NDUFA11: variants seen among roughly 807,000 people sequenced by gnomAD.
The protein encoded by NDUFA11 is NADH dehydrogenase [ubiquinone] 1 alpha subcomplex subunit 11.
In NDUFA11, 14 loss-of-function variants were observed where a neutral mutation model predicts 11.3. That is an observed-to-expected ratio of 1.24 (90% CI 0.82 to 1.94). The LOEUF is 1.94. Among genes scored for constraint, NDUFA11 ranks in the 30% most tolerant of loss-of-function variants. NDUFA11 has a pLI of 0.00. For missense variants in NDUFA11, 204 were observed against 200.3 expected, an observed-to-expected ratio of 1.02 and a Z score of -0.11; for synonymous variants, 87 against 85.6, an observed-to-expected ratio of 1.02 and a Z score of -0.09.
chr19:5,900,481 G>A (rs751358011), intron 1 of NDUFA11, among the ~76,000 whole-genome samples: 48 of 152,178 alleles, frequency 3.2e-4, no homozygotes, highest in Admixed American at 1.4e-3. Flanking sequence ...CCCCAACTCA[G>A]GGAAGCCAGC....
At chr19:5,892,635 C>T (rs748623918), downstream of NDUFA11, 1 of 329,444 alleles carries the variant, frequency 3.0e-6, no homozygotes, top group Non-Finnish European at 5.6e-6. Flanking sequence ...TGGAATCTGA[C>T]GCCTGTGGTC....
chr19:5,900,570 C>T (rs985831610), intron 1 of NDUFA11, among the ~76,000 whole-genome samples: 4 of 152,134 alleles, frequency 2.6e-5, no homozygotes, highest in Non-Finnish European at 5.9e-5. Context: ...AGGGGAGGAC[C>T]CAGAAACACG....
Position 5,903,780 on chromosome 19 carries a change from T to G in NDUFA11, c.-72A>C. The G allele has an allele frequency of 6.8e-7, 1 of 1,469,886 alleles. No individual in the cohort carries two copies. The highest frequency in any genetic ancestry group is 9.3e-7 in the Non-Finnish European group (1 of 1,073,704). The allele number at this position is 1,469,886 out of a possible 1,614,324, so 91.1% of individuals were successfully genotyped here. A position where few individuals can be genotyped will look rare whatever the true frequency, so the allele number is the denominator to read the frequency against. On this transcript the variant is annotated 5_prime_UTR_variant, in exon 1 of 4. Transcript: ENST00000308961. ...GCGCAAGGGCAGCCGCGGCTGGCTATCGCGAGACTTCTCGGGCTGCGCGCG... is the reference window on the plus strand; with the variant it reads ...GCGCAAGGGCAGCCGCGGCTGGCTAGCGCGAGACTTCTCGGGCTGCGCGCG...
intron 1 of NDUFA11, among the ~76,000 whole-genome samples, chr19:5,901,854 G>A (rs1054857420): frequency 6.6e-6 from 1 of 151,740 alleles, no homozygotes; most frequent in Non-Finnish European, 1.5e-5. Flanking sequence ...TGTATTTTTA[G>A]TAGAGACGGG....
chr19:5,897,721 T>C (rs377006856), intron 1 of NDUFA11, among the ~76,000 whole-genome samples: 8 of 152,338 alleles, frequency 5.3e-5, no homozygotes, highest in South Asian at 2.1e-4. Flanking sequence ...CATGAGGAGC[T>C]TGGGCCGGGG....
Position 5,896,773 on chromosome 19 carries a change from C to T in NDUFA11, c.190+132G>A, listed in dbSNP as rs887125588. The T allele has an allele frequency of 1.4e-5, 16 of 1,176,938 alleles. No homozygotes were observed. The highest frequency in any genetic ancestry group is 2.4e-5 in the South Asian group (2 of 82,444). The allele number at this position is 1,176,938 out of a possible 1,614,324, so 72.9% of individuals were successfully genotyped here. ...ATGTATTCCTGATAAAGGAACACCCCACTTTCTCCGGATGGCCAGCACTGT... is the reference window on the plus strand; with the variant it reads ...ATGTATTCCTGATAAAGGAACACCCTACTTTCTCCGGATGGCCAGCACTGT... On this transcript the variant is annotated intron_variant, in intron 2 of 3. Transcript: ENST00000308961. The surrounding 1 kb of genome is among the most constrained non-coding windows in gnomAD (Gnocchi z 5.8).
At chr19:5,893,090 C>T (rs1410223769), downstream of NDUFA11, 2 of 1,536,042 alleles carry the variant, frequency 1.3e-6, no homozygotes, top group South Asian at 2.4e-5. This position sits in a 1 kb window ranked among gnomAD's most constrained non-coding sequence, Gnocchi z 4.1. Context: ...CTGTTGCATG[C>T]CCCCCTTGTG....
chr19:5,903,012 A>AG (rs920133175), intron 1 of NDUFA11, among the ~76,000 whole-genome samples: 2 of 146,212 alleles, frequency 1.4e-5, no homozygotes, highest in African/African-American at 5.0e-5. Flanking sequence ...CTCTGTCTCA[A>AG]AAAAAAAAAA....
rs2057596815 is a variant in NDUFA11, at chr19:5,894,740, G to T, written c.*2C>A. The T allele has an allele frequency of 6.2e-7, 1 of 1,612,552 alleles. No homozygotes were observed. The highest frequency in any genetic ancestry group is 1.3e-5 in the African/African-American group (1 of 75,034). ...GGCTGGAGGTCCCGGCAGGCACAGG[G>T]CTCACACCTTGGGTTTTGCAAACAC... is the stretch of plus-strand genomic sequence containing the variant. On this transcript the variant is annotated 3_prime_UTR_variant, in exon 4 of 4. Transcript: ENST00000308961.
intron 1 of NDUFA11, among the ~76,000 whole-genome samples, chr19:5,899,218 C>G (rs79074789): frequency 6.8e-6 from 1 of 146,600 alleles, no homozygotes; most frequent in African/African-American, 2.5e-5. Context: ...GGCGCTATCT[C>G]GGCTCACTGC....
At position 5,896,381 on chromosome 19, in the gene NDUFA11, G is replaced by A. The variant is rs1599692495; in HGVS notation, c.313+72C>T. On this transcript the variant is annotated intron_variant, in intron 3 of 3. Coordinates refer to ENST00000308961, the MANE Select transcript of NDUFA11 (RefSeq NM_175614.5). The surrounding 1 kb of genome is among the most constrained non-coding windows in gnomAD (Gnocchi z 5.8). ...TGTCCGGGATGGAACAGAGAGGGTG[G>A]AGGATGAGCAGAGGTCAGGGGTCAT... 19 of 1,459,996 alleles carry A rather than the reference G, an allele frequency of 1.3e-5. No individual in the cohort carries two copies. The highest frequency in any genetic ancestry group is 1.8e-5 in the Non-Finnish European group (19 of 1,079,638). The allele number at this position is 1,459,996 out of a possible 1,614,324, so 90.4% of individuals were successfully genotyped here.
chr19:5,899,331 A>C (rs2057630235), intron 1 of NDUFA11, among the ~76,000 whole-genome samples: 2 of 150,650 alleles, frequency 1.3e-5, no homozygotes, highest in South Asian at 4.2e-4. Flanking sequence ...TTGTATTTTT[A>C]GTAGAGACGG....
chr19:5,899,749 G>A (rs915378079), intron 1 of NDUFA11: 1 of 152,080 alleles, frequency 6.6e-6, no homozygotes, highest in Non-Finnish European at 1.5e-5. Context: ...TTAAAGGCCT[G>A]AGCAACCATG....
intron 1 of NDUFA11, among the ~76,000 whole-genome samples, chr19:5,897,238 G>A (rs941327749): frequency 1.3e-5 from 2 of 152,202 alleles, no homozygotes; most frequent in Non-Finnish European, 2.9e-5. Context: ...ACTTTCTCAA[G>A]CCTGACCAGT....
intron 1 of NDUFA11, among the ~76,000 whole-genome samples, chr19:5,898,129 G>T (rs1266341643): frequency 6.6e-6 from 1 of 152,186 alleles, no homozygotes; most frequent in Non-Finnish European, 1.5e-5. Flanking sequence ...CACGGGAGGT[G>T]AAGGGACCTC....
chr19:5,897,487 T>C (rs902179214), intron 1 of NDUFA11, among the ~76,000 whole-genome samples: 1 of 152,074 alleles, frequency 6.6e-6, no homozygotes, highest in African/African-American at 2.4e-5. Context: ...GGCCCGGGGC[T>C]CCTGGGCCTA....
intron 3 of NDUFA11, chr19:5,895,246 G>T: frequency 4.0e-6 from 1 of 248,876 alleles, no homozygotes; most frequent in Non-Finnish European, 8.0e-6. Context: ...TCTGTCCCGT[G>T]GTCTGTGTAC....
At chr19:5,899,163 T>C (rs1169825451) in intron 1 of NDUFA11, among the ~76,000 whole-genome samples, 2 of 150,934 alleles carry the variant, frequency 1.3e-5, no homozygotes, top group East Asian at 3.9e-4. Context: ...TTTTTTTTTT[T>C]TCTTGAGATA....
intron 1 of NDUFA11, among the ~76,000 whole-genome samples, chr19:5,898,838 C>A (rs2057626111): frequency 6.7e-6 from 1 of 149,100 alleles, no homozygotes; most frequent in Non-Finnish European, 1.5e-5. Context: ...TGCGCCACTG[C>A]ACTCCAGCCT....
Sources: allele counts gnomAD v4.1 joint callset (sites outside exome capture counted in the v4.1 genomes callset), GRCh38; gene constraint gnomAD v4.1.1; non-coding constraint Gnocchi (gnomAD v3.1); transcripts MANE v1.5; gene names NCBI Gene and HGNC (gene_info 2026-07-23, HGNC 2026-07-21).